The following SLC22A8 variants were observed in gnomAD, a reference collection of about 807,000 sequenced individuals.
SLC22A8 encodes the protein organic anion transporter 3.
In SLC22A8, 40 loss-of-function variants were observed where a neutral mutation model predicts 48.4. The ratio of observed to expected loss-of-function variants is 0.83; its 90% CI spans 0.64 to 1.08. The LOEUF (loss-of-function observed/expected upper bound fraction) is 1.08, where lower values mean the gene tolerates loss of function less well. Among genes scored for constraint, SLC22A8 ranks in the 50% least tolerant of loss-of-function variants. SLC22A8 has a pLI of 0.00. For missense variants in SLC22A8, 606 were observed against 699.0 expected, an observed-to-expected ratio of 0.87 and a Z score of 1.50; for synonymous variants, 268 against 286.3, an observed-to-expected ratio of 0.94 and a Z score of 0.65.
At position 62,993,761 on chromosome 11, in the gene SLC22A8, A is replaced by T; in HGVS notation, c.1325+9T>A. The T allele has an allele frequency of 6.2e-7, 1 of 1,607,340 alleles. No individual in the cohort carries two copies. The highest frequency in any genetic ancestry group is 8.5e-7 in the Non-Finnish European group (1 of 1,173,720). ...TCTGGCTGGGCCTGGCCCCAGGTCC[A>T]GCACCTACCTGATGACTGTGGGGTA... On this transcript the variant is annotated intron_variant, in intron 9 of 10. Coordinates refer to ENST00000336232, the MANE Select transcript of SLC22A8 (RefSeq NM_004254.4).
intron 5 of SLC22A8, 131 bp from the exon 6 acceptor site, chr11:62,996,283 A>G: frequency 1.1e-6 from 1 of 918,448 alleles, no homozygotes; most frequent in South Asian, 1.8e-5. Flanking sequence ...TGCAGATTTC[A>G]TGGAATTTAA....
intron 3 of SLC22A8, 95 bp downstream of exon 3, chr11:63,000,625 G>C: frequency 1.2e-6 from 1 of 844,868 alleles, no homozygotes; most frequent in Admixed American, 2.0e-5. Context: ...CCCTCCCCCA[G>C]CTCTTTGCCT....
chr11:63,008,600 A>G (rs547840886), intron 2 of SLC22A8, among the ~76,000 whole-genome samples: 1 of 152,278 alleles, frequency 6.6e-6, no homozygotes, highest in Non-Finnish European at 1.5e-5. Context: ...CTTGTGAATG[A>G]CATAGGAATG....
chr11:62,993,203 C>A lies in SLC22A8; in HGVS notation c.*34G>T. On this transcript the variant is annotated 3_prime_UTR_variant, in exon 11 of 11. Coordinates refer to ENST00000336232, the MANE Select transcript of SLC22A8 (RefSeq NM_004254.4). ...CCTAAGGTGCCTGGCTAGGATCAGT[C>A]TCTGGAGGGCAGGGAAAGGGGGTTC... The A allele has an allele frequency of 6.4e-7, 1 of 1,551,800 alleles. No individual in the cohort carries two copies. Among genetic ancestry groups the A allele is most frequent in the Non-Finnish European group, 8.8e-7 (1 of 1,130,336 alleles).
intron 10 of SLC22A8, 26 bp from the exon 11 acceptor site, chr11:62,993,362 C>T: frequency 6.2e-7 from 1 of 1,613,696 alleles, no homozygotes; most frequent in Non-Finnish European, 8.5e-7. Context: ...TAAGGAAAAG[C>T]CCTGGGCCCA....
intron 7 of SLC22A8, 31 bp from the exon 8 acceptor site, chr11:62,994,787 TG>T: frequency 1.3e-6 from 2 of 1,576,456 alleles, no homozygotes; most frequent in Non-Finnish European, 1.7e-6. Context: ...GGTTAGCACC[TG>T]CAGCCAGGCA....
At chr11:63,010,550 G>A (rs539518386) in intron 2 of SLC22A8, among the ~76,000 whole-genome samples, 65 of 152,158 alleles carry the variant, frequency 4.3e-4, no homozygotes, top group Admixed American at 2.2e-3. Context: ...AAGATGAAAG[G>A]GTTCTGCCCT....
At chr11:63,002,051 C>G (rs1254950415) in intron 2 of SLC22A8, among the ~76,000 whole-genome samples, 1 of 152,008 alleles carries the variant, frequency 6.6e-6, no homozygotes, top group Non-Finnish European at 1.5e-5. Flanking sequence ...ACTGGGACTA[C>G]AGGTGTGCAT....
intron 7 of SLC22A8, 45 bp downstream of exon 7, chr11:62,995,659 A>T (rs774898917): frequency 7.0e-7 from 1 of 1,427,214 alleles, no homozygotes; most frequent in East Asian, 2.3e-5. Flanking sequence ...GGCCTTGTCT[A>T]TCACCCCTTC....
At chr11:63,002,991 A>G (rs1346239670) in intron 2 of SLC22A8, among the ~76,000 whole-genome samples, 4 of 152,122 alleles carry the variant, frequency 2.6e-5, no homozygotes, top group Non-Finnish European at 5.9e-5. Context: ...CTTCCTAGCC[A>G]TTCTTTCCCT....
At chr11:63,006,086 A>G (rs545812144) in intron 2 of SLC22A8, among the ~76,000 whole-genome samples, 1 of 152,120 alleles carries the variant, frequency 6.6e-6, no homozygotes, top group Non-Finnish European at 1.5e-5. Context: ...GAATTTTGGC[A>G]TGCTTTCTGT....
chr11:63,009,393 C>T (rs2086592114), intron 2 of SLC22A8, among the ~76,000 whole-genome samples: 1 of 152,072 alleles, frequency 6.6e-6, no homozygotes, highest in African/African-American at 2.4e-5. Context: ...GGGGGACGGG[C>T]TTCTTGCAGC....
At chr11:62,996,423 A>C (rs1488163335) in intron 5 of SLC22A8, among the ~76,000 whole-genome samples, 1 of 152,108 alleles carries the variant, frequency 6.6e-6, no homozygotes, top group Non-Finnish European at 1.5e-5. Context: ...TGTCTTCCTT[A>C]ACTAGGAGCC....
chr11:62,999,561 T>C, intron 4 of SLC22A8, 127 bp downstream of exon 4: 1 of 702,256 alleles, frequency 1.4e-6, no homozygotes, highest in Non-Finnish European at 2.3e-6. Flanking sequence ...TCTGAGGTCC[T>C]GAGAGGGGGT....
chr11:62,997,471 C>T (rs1057279916), intron 5 of SLC22A8, among the ~76,000 whole-genome samples: 3 of 152,122 alleles, frequency 2.0e-5, no homozygotes, highest in Non-Finnish European at 2.9e-5. Context: ...CGATCCGCCC[C>T]TCAGCCTCCC....
intron 2 of SLC22A8, among the ~76,000 whole-genome samples, chr11:63,008,689 A>G (rs1277851158): frequency 6.6e-6 from 1 of 152,174 alleles, no homozygotes; most frequent in Non-Finnish European, 1.5e-5. Context: ...TGTCACTATT[A>G]ATGCCATTAA....
chr11:63,010,266 G>A (rs951593232), intron 2 of SLC22A8, among the ~76,000 whole-genome samples: 3 of 152,196 alleles, frequency 2.0e-5, no homozygotes, highest in African/African-American at 7.2e-5. Context: ...GCAGAGGCAG[G>A]TTGTGAGCTC....
At chr11:63,000,092 G>A (rs774763241) in intron 3 of SLC22A8, among the ~76,000 whole-genome samples, 1 of 152,062 alleles carries the variant, frequency 6.6e-6, no homozygotes, top group Non-Finnish European at 1.5e-5. Context: ...AGGGGTCAAA[G>A]GACCGCCCAT....
intron 5 of SLC22A8, among the ~76,000 whole-genome samples, chr11:62,998,565 T>C (rs1242964580): frequency 6.6e-6 from 1 of 152,194 alleles, no homozygotes; most frequent in Non-Finnish European, 1.5e-5. Flanking sequence ...ATTTCACAAA[T>C]GGAAACTTGA....
Sources: allele counts gnomAD v4.1 joint callset (sites outside exome capture counted in the v4.1 genomes callset), GRCh38; gene constraint gnomAD v4.1.1; transcripts MANE v1.5; gene names NCBI Gene and HGNC (gene_info 2026-07-23, HGNC 2026-07-21).